Variants in DGKI observed in about 807,000 individuals in gnomAD.
The protein encoded by DGKI is DAG kinase iota.
DGKI carries 55 observed loss-of-function variants against 147.5 expected under a neutral mutation model. The ratio of observed to expected loss-of-function variants is 0.37; its 90% CI spans 0.30 to 0.47. The LOEUF is 0.47. DGKI is among the 20% of genes least tolerant of loss of function. The pLI, the probability that DGKI is intolerant of heterozygous loss-of-function variation, is 1.00. For missense variants in DGKI, 1,007 were observed against 1,323.8 expected (o/e 0.76, Z 3.71); for synonymous variants, 469 against 477.1 (o/e 0.98, Z 0.22).
At chr7:137,415,833 T>C (rs985568382) in intron 28 of DGKI, among the ~76,000 whole-genome samples, 3 of 151,628 alleles carry the variant, frequency 2.0e-5, no homozygotes, top group Non-Finnish European at 4.4e-5. Context: ...TAAAAAAATA[T>C]AAAAAATTGG....
At chr7:137,802,107 C>G (rs761498082) in intron 1 of DGKI, among the ~76,000 whole-genome samples, 9 of 152,132 alleles carry the variant, frequency 5.9e-5, no homozygotes, top group Non-Finnish European at 1.2e-4. Context: ...CCGGATGGAG[C>G]TGGAGGCCAT....
intron 21 of DGKI, 53 bp downstream of exon 21, chr7:137,521,813 A>C: frequency 7.6e-7 from 1 of 1,320,628 alleles, no homozygotes; most frequent in Non-Finnish European, 1.1e-6. Context: ...AGGAGGATCA[A>C]GAAGCTGAAG....
At chr7:137,452,681 A>C (rs1814019204) in intron 27 of DGKI, 1 of 152,196 alleles carries the variant, frequency 6.6e-6, no homozygotes, top group South Asian at 2.1e-4. Flanking sequence ...GATCCATCCT[A>C]CTTAGGAAGG....
chr7:137,503,094 C>T (rs926665163), intron 21 of DGKI, among the ~76,000 whole-genome samples: 4 of 152,130 alleles, frequency 2.6e-5, no homozygotes, highest in African/African-American at 9.7e-5. Context: ...TAAAGGCTCC[C>T]CATTCCTCTC....
intron 4 of DGKI, among the ~76,000 whole-genome samples, chr7:137,655,377 T>G (rs919035579): frequency 6.6e-6 from 1 of 152,088 alleles, no homozygotes; most frequent in Non-Finnish European, 1.5e-5. Flanking sequence ...TTTTTGTATT[T>G]TTAGTAGAGA....
chr7:137,814,001 A>G (rs1344620426), intron 1 of DGKI, among the ~76,000 whole-genome samples: 2 of 152,216 alleles, frequency 1.3e-5, no homozygotes, highest in African/African-American at 4.8e-5. Context: ...GCTAAACACA[A>G]AAATAGTACA....
chr7:137,798,905 A>T (rs540575029), intron 1 of DGKI, among the ~76,000 whole-genome samples: 2 of 152,286 alleles, frequency 1.3e-5, no homozygotes, highest in South Asian at 2.1e-4. Flanking sequence ...AACCCACATG[A>T]TCATCTCAAT....
chr7:137,393,334 C>T (rs752222212), intron 32 of DGKI, among the ~76,000 whole-genome samples: 1 of 152,080 alleles, frequency 6.6e-6, no homozygotes, highest in Non-Finnish European at 1.5e-5. Context: ...AAAAAGCAGA[C>T]CTGCTCAAGA....
In DGKI at chr7:137,738,733, C is replaced by G. The variant is rs60163782; in HGVS notation, c.402-48731G>C. ...ACAGAGAAGATGAGGTTCCCCCCCC[C>G]CCTTTCCTTTTCATATCCGATTTAC... On this transcript the variant is annotated intron_variant, in intron 1 of 32. Transcript: ENST00000614521. 6.2e-3 allele frequency among the ~76,000 whole-genome samples: 918 copies of G among 148,278 alleles called. 7 individuals carry two copies. The highest frequency in any genetic ancestry group is 0.01 in the Non-Finnish European group (689 of 67,256).
intron 30 of DGKI, among the ~76,000 whole-genome samples, chr7:137,401,460 G>A (rs1811757857): frequency 6.6e-6 from 1 of 152,072 alleles, no homozygotes; most frequent in Non-Finnish European, 1.5e-5. Context: ...GAGCCCAGGA[G>A]ATCAAAGTTA....
chr7:137,638,613 C>CATATATGTGTATATAT (rs1554446609), intron 6 of DGKI, among the ~76,000 whole-genome samples: 2 of 15,750 alleles, frequency 1.3e-4, no homozygotes, highest in African/African-American at 7.5e-4. Flanking sequence ...TATATATATA[C>CATATATGTGTATATAT]ACACACACAT....
chr7:137,762,701 C>T (rs1795896869), intron 1 of DGKI, among the ~76,000 whole-genome samples: 2 of 152,170 alleles, frequency 1.3e-5, no homozygotes, highest in South Asian at 4.1e-4. Flanking sequence ...CAATAGCTCT[C>T]CCCAAGCCCT....
At chr7:137,573,932 T>C (rs1279553203) in intron 17 of DGKI, among the ~76,000 whole-genome samples, 1 of 152,242 alleles carries the variant, frequency 6.6e-6, no homozygotes, top group Non-Finnish European at 1.5e-5. Flanking sequence ...ACTCTAGTCA[T>C]GACTATAGAC....
At chr7:137,734,984 T>C (rs1794983071) in intron 1 of DGKI, among the ~76,000 whole-genome samples, 1 of 152,136 alleles carries the variant, frequency 6.6e-6, no homozygotes, top group Non-Finnish European at 1.5e-5. Context: ...AAAAATCTTC[T>C]GCATCCCTAT....
chr7:137,509,968 T>G (rs1329419826), intron 21 of DGKI, among the ~76,000 whole-genome samples: 1 of 152,124 alleles, frequency 6.6e-6, no homozygotes, highest in Non-Finnish European at 1.5e-5. Context: ...AAAGGAGATG[T>G]TAAAGCCTGG....
At chr7:137,742,487 A>T (rs563374502) in intron 1 of DGKI, among the ~76,000 whole-genome samples, 1 of 152,266 alleles carries the variant, frequency 6.6e-6, no homozygotes, top group South Asian at 2.1e-4. Context: ...CCAGATGTAC[A>T]CAAGAATGCC....
At chr7:137,784,391 A>G (rs1442638989) in intron 1 of DGKI, among the ~76,000 whole-genome samples, 1 of 152,194 alleles carries the variant, frequency 6.6e-6, no homozygotes, top group Non-Finnish European at 1.5e-5. Flanking sequence ...ACATTATAGA[A>G]TGATAAAAAG....
chr7:137,606,930 C>T (rs544708469), intron 10 of DGKI, among the ~76,000 whole-genome samples: 100 of 152,238 alleles, frequency 6.6e-4, no homozygotes, highest in African/African-American at 2.2e-3. Flanking sequence ...CAATGGTGGA[C>T]CTGTACCCCA....
intron 5 of DGKI, among the ~76,000 whole-genome samples, chr7:137,653,002 C>CA (rs1822084132): frequency 6.6e-6 from 1 of 152,180 alleles, no homozygotes; most frequent in Non-Finnish European, 1.5e-5. Context: ...CAGTTGAGGA[C>CA]AACAGGGATA....
Sources: allele counts gnomAD v4.1 joint callset (sites outside exome capture counted in the v4.1 genomes callset), GRCh38; gene constraint gnomAD v4.1.1; transcripts MANE v1.5; gene names NCBI Gene and HGNC (gene_info 2026-07-23, HGNC 2026-07-21).